ARFGEF3: variants seen among roughly 807,000 people sequenced by gnomAD.
ARFGEF3 encodes the protein brefeldin A-inhibited guanine nucleotide-exchange protein 3.
A neutral mutation model predicts 221.7 loss-of-function variants in ARFGEF3; 96 were observed. The observed-to-expected ratio is 0.43, with a 90% CI of 0.37 to 0.51. The LOEUF (loss-of-function observed/expected upper bound fraction) is 0.51, where lower values mean the gene tolerates loss of function less well. Among genes scored for constraint, ARFGEF3 ranks in the 20% least tolerant of loss-of-function variants. The probability of loss-of-function intolerance (pLI) is 0.00; values close to 1 mark genes in which losing one functional copy is unlikely to be tolerated. For synonymous variants in ARFGEF3, 1,145 were observed against 1,126.8 expected (o/e 1.02, Z -0.32); for missense variants, 2,410 against 2,789.9 (o/e 0.86, Z 3.07).
intron 26 of ARFGEF3, among the ~76,000 whole-genome samples, chr6:138,315,913 T>C (rs1485108313): frequency 6.6e-6 from 1 of 152,060 alleles, no homozygotes; most frequent in Non-Finnish European, 1.5e-5. Flanking sequence ...AAAGAATATC[T>C]AATATAGAGA....
chr6:138,247,435 C>T (rs1260811872), intron 8 of ARFGEF3, among the ~76,000 whole-genome samples: 1 of 152,182 alleles, frequency 6.6e-6, no homozygotes, highest in African/African-American at 2.4e-5. Flanking sequence ...CATGTGTTCA[C>T]TCTACCCATC....
intron 12 of ARFGEF3, among the ~76,000 whole-genome samples, chr6:138,267,136 A>C (rs1778911548): frequency 1.3e-5 from 2 of 152,214 alleles, no homozygotes; most frequent in African/African-American, 4.8e-5. Context: ...TTGAGCCATC[A>C]AGAAACAGTA....
chr6:138,275,116 T>A (rs1398950440), intron 12 of ARFGEF3, among the ~76,000 whole-genome samples: 1 of 151,786 alleles, frequency 6.6e-6, no homozygotes, highest in Non-Finnish European at 1.5e-5. Context: ...TCAAAAAAAA[T>A]AATAAATAAA....
At position 138,244,561 on chromosome 6, in the gene ARFGEF3, C is replaced by A. The variant is rs111244212; in HGVS notation, c.587-952C>A. Reference sequence around the variant, plus strand: ...TCCAGATTTCAGCCTTTTTCCCACTCTGCTTCTGTGGGAGTTTTGGTTCTA... The same window carrying A: ...TCCAGATTTCAGCCTTTTTCCCACTATGCTTCTGTGGGAGTTTTGGTTCTA... On this transcript the variant is annotated intron_variant, in intron 7 of 33. Coordinates refer to ENST00000251691, the MANE Select transcript of ARFGEF3 (RefSeq NM_020340.5). Among the ~76,000 whole-genome samples, 184 of 152,280 alleles carry A rather than the reference C, an allele frequency of 1.2e-3. 1 individual carries two copies. The highest frequency in any genetic ancestry group is 4.3e-3 in the African/African-American group (177 of 41,556).
At chr6:138,255,245 A>G (rs1202152931) in intron 9 of ARFGEF3, among the ~76,000 whole-genome samples, 191 bp from the exon 10 acceptor site, 2 of 152,160 alleles carry the variant, frequency 1.3e-5, no homozygotes, top group Non-Finnish European at 2.9e-5. Flanking sequence ...TGCTAGCTCA[A>G]TTTATGAGGA....
In ARFGEF3 at chr6:138,334,780, C is replaced by T. The variant is rs1314747468; in HGVS notation, c.5934C>T (p.Ser1978=). 1 of 1,608,964 alleles carries T rather than the reference C, an allele frequency of 6.2e-7. No individual in the cohort carries two copies. The highest frequency in any genetic ancestry group is 1.1e-5 in the South Asian group (1 of 89,996). The part of the protein sequence containing the change: ...QSREHMGESL[S]LKAGGGDLLL... The stretch of plus-strand genomic sequence containing the variant: ...GGGAGCACATGGGCGAGTCCCTGAG[C>T]CTGAAGGCCGGTGGTGGGGACCTGC... Residue 1978 remains serine (S), a synonymous_variant, in exon 33 of 34, where the codon AGC becomes AGT. Transcript: ENST00000251691. This position sits in a 1 kb window ranked among gnomAD's most constrained non-coding sequence, Gnocchi z 5.1.
At chr6:138,282,458 A>G (rs1000654814) in intron 14 of ARFGEF3, among the ~76,000 whole-genome samples, 2 of 152,186 alleles carry the variant, frequency 1.3e-5, no homozygotes, top group Non-Finnish European at 2.9e-5. Flanking sequence ...TATGTTGCCT[A>G]TGGTTGGCAC....
intron 27 of ARFGEF3, among the ~76,000 whole-genome samples, chr6:138,318,264 T>A (rs1779961328): frequency 6.6e-6 from 1 of 152,252 alleles, no homozygotes; most frequent in African/African-American, 2.4e-5. Context: ...TCTGTTTTAC[T>A]CATCAGTACC....
rs942738508 is a variant in ARFGEF3 at position 138,161,976 on chromosome 6, C to T, written c.-111C>T. On this transcript the variant is annotated 5_prime_UTR_variant, in exon 1 of 34. Coordinates refer to ENST00000251691, the MANE Select transcript of ARFGEF3 (RefSeq NM_020340.5). Reference sequence around the variant, plus strand: ...CATCCGCGCCGGGGCGGCATGGGGGCGCGCGCGGCGGCCGCCTAGGCGCCC... The same window carrying T: ...CATCCGCGCCGGGGCGGCATGGGGGTGCGCGCGGCGGCCGCCTAGGCGCCC... 7 of 428,986 alleles carry T rather than the reference C, an allele frequency of 1.6e-5. No homozygotes were observed. The South Asian group carries it at 4.6e-4, about 28-fold the overall frequency. The allele number at this position is 428,986 out of a possible 1,614,324, so 26.6% of individuals were successfully genotyped here. A position where few individuals can be genotyped will look rare whatever the true frequency, so the allele number is the denominator to read the frequency against.
rs914866987 is a variant in ARFGEF3 at position 138,215,271 on chromosome 6, C to T, written c.351+5230C>T. On this transcript the variant is annotated intron_variant, in intron 4 of 33. Coordinates refer to ENST00000251691, the MANE Select transcript of ARFGEF3 (RefSeq NM_020340.5). ...CCGAATGGAATTATGGCTGGCTGTTCGCCTCTGTAAGCATGTGGGAGATGT... is the reference window on the plus strand; with the variant it reads ...CCGAATGGAATTATGGCTGGCTGTTTGCCTCTGTAAGCATGTGGGAGATGT... 7.2e-5 allele frequency among the ~76,000 whole-genome samples: 11 copies of T among 152,064 alleles called. No homozygotes were observed. The South Asian group carries it at 1.0e-3, about 14-fold the overall frequency.
chr6:138,217,049 T>C (rs1253320493), intron 4 of ARFGEF3: 1 of 152,270 alleles, frequency 6.6e-6, no homozygotes, highest in African/African-American at 2.4e-5. Context: ...GGTAAAAATA[T>C]ATGAAAAAGT....
intron 4 of ARFGEF3, among the ~76,000 whole-genome samples, chr6:138,219,705 A>T (rs1402805475): frequency 6.6e-6 from 1 of 152,134 alleles, no homozygotes; most frequent in African/African-American, 2.4e-5. Context: ...TGGTTGAGTG[A>T]TGGTCTTACG....
chr6:138,163,034 T>C (rs1419545000), intron 1 of ARFGEF3, among the ~76,000 whole-genome samples: 6 of 152,174 alleles, frequency 3.9e-5, no homozygotes, highest in East Asian at 1.9e-4. Flanking sequence ...TGCCACTCAA[T>C]TGAAAAATGA....
chr6:138,290,944 G>T (rs746107914), intron 18 of ARFGEF3, among the ~76,000 whole-genome samples: 1 of 151,810 alleles, frequency 6.6e-6, no homozygotes, highest in Non-Finnish European at 1.5e-5. Flanking sequence ...AAAGAAAAAA[G>T]AAAATAAAAA....
At chr6:138,241,526 T>A (rs913449371) in intron 6 of ARFGEF3, among the ~76,000 whole-genome samples, 2 of 152,130 alleles carry the variant, frequency 1.3e-5, no homozygotes, top group Non-Finnish European at 2.9e-5. Context: ...GAAAGCCTCT[T>A]CAGAAAAACA....
Position 138,262,869 on chromosome 6 carries a change from G to A in ARFGEF3, c.1386G>A (p.Lys462=), listed in dbSNP as rs1191963721. The A allele has an allele frequency of 1.9e-6, 3 of 1,613,844 alleles. No individual in the cohort carries two copies. The highest frequency in any genetic ancestry group is 2.5e-6 in the Non-Finnish European group (3 of 1,179,874). Residue 462 remains lysine, a synonymous_variant, in exon 12 of 34, where the codon AAG becomes AAA. Coordinates refer to ENST00000251691, the MANE Select transcript of ARFGEF3 (RefSeq NM_020340.5). ...QLLLLRLEEL[K]DGAEWSRDSM... is the part of the protein sequence containing the mutation. The stretch of plus-strand genomic sequence containing the variant: ...TGCTTCTGCGCCTTGAGGAGCTGAA[G>A]GATGGGGCTGAGTGGAGCCGAGATT...
At chr6:138,189,342 C>T (rs1370505228) in intron 2 of ARFGEF3, among the ~76,000 whole-genome samples, 2 of 152,130 alleles carry the variant, frequency 1.3e-5, no homozygotes, top group Non-Finnish European at 2.9e-5. Context: ...TTGAACCATG[C>T]GGAAGGTTTT....
rs1355090846 is a variant in ARFGEF3, at chr6:138,338,716, C to T, written c.*2230C>T. 2.0e-5 allele frequency: 3 copies of T among 151,556 alleles called. No individual in the cohort carries two copies. Among genetic ancestry groups the T allele is most frequent in the Non-Finnish European group, 4.4e-5 (3 of 68,054 alleles). 9.4% of individuals were successfully genotyped at this position (151,556 alleles called of 1,614,324 possible). ...TTAGGAGGCCGAGACAGGAGAATCGCTCGAACCCAGGAGGCGGACGTTGCA... is the reference window on the plus strand; with the variant it reads ...TTAGGAGGCCGAGACAGGAGAATCGTTCGAACCCAGGAGGCGGACGTTGCA... On this transcript the variant is annotated 3_prime_UTR_variant, in exon 34 of 34. Transcript: ENST00000251691.
At chr6:138,249,963 C>T (rs1778551773) in intron 8 of ARFGEF3, among the ~76,000 whole-genome samples, 1 of 152,216 alleles carries the variant, frequency 6.6e-6, no homozygotes, top group African/African-American at 2.4e-5. Flanking sequence ...CAGCTGCTCT[C>T]AGTCTGGTGC....
Sources: gnomAD v4.1 joint callset for allele counts (sites outside exome capture counted in the v4.1 genomes callset) on GRCh38, gnomAD v4.1.1 for gene constraint, Gnocchi (gnomAD v3.1) non-coding constraint, MANE v1.5 for transcripts, NCBI Gene and HGNC (gene_info 2026-07-23, HGNC 2026-07-21) for gene names.